Variants in SSBP2 observed in about 807,000 individuals in gnomAD.
SSBP2 encodes the protein single stranded DNA binding protein 2, also known as single-stranded DNA-binding protein 2.
A neutral mutation model predicts 61.8 loss-of-function variants in SSBP2; 17 were observed. The ratio of observed to expected loss-of-function variants is 0.28; its 90% confidence interval spans 0.19 to 0.41. The LOEUF (loss-of-function observed/expected upper bound fraction) is 0.41. SSBP2 is among the 10% of genes least tolerant of loss of function. The pLI, the probability that SSBP2 is intolerant of heterozygous loss-of-function variation, is 1.00. For missense variants in SSBP2, 310 were observed against 458.7 expected (o/e 0.68, Z 2.96); for synonymous variants, 139 against 141.3 (o/e 0.98, Z 0.12).
In SSBP2 at chr5:81,633,227, T is replaced by C. The variant is rs537765733; in HGVS notation, c.197+3330A>G. On this transcript the variant is annotated intron_variant, in intron 3 of 16. Coordinates refer to ENST00000320672, the MANE Select transcript of SSBP2 (RefSeq NM_012446.5). ...GTCTCCCAGGTTCAAGCTATTCATC[T>C]GCCTCAACCTCCTGAGTAGCTGGGA... Among the ~76,000 whole-genome samples the C allele has an allele frequency of 2.3e-4, 35 of 149,494 alleles. 2 individuals are homozygous for C. In the East Asian group the frequency reaches 7.0e-3, roughly 30 times the overall value.
intron 1 of SSBP2, among the ~76,000 whole-genome samples, chr5:81,710,237 A>G (rs1419547396): frequency 6.6e-6 from 1 of 152,086 alleles, no homozygotes; most frequent in African/African-American, 2.4e-5. Flanking sequence ...ATGGTAGTAG[A>G]CAGACGAGGA....
chr5:81,749,628 T>G lies in SSBP2; in HGVS notation c.62+1353A>C, dbSNP rs1757584797. Reference sequence around the variant, plus strand: ...AAGGATAACTCTGACCCTCAGAGTTTAAGTGGTTACTGGGAATCACTGATC... The same window carrying G: ...AAGGATAACTCTGACCCTCAGAGTTGAAGTGGTTACTGGGAATCACTGATC... On this transcript the variant is annotated intron_variant, in intron 1 of 16. Coordinates refer to ENST00000320672, the MANE Select transcript of SSBP2 (RefSeq NM_012446.5). Among the ~76,000 whole-genome samples the G allele has an allele frequency of 2.0e-5, 3 of 151,938 alleles. No homozygotes were observed. The South Asian group carries it at 6.2e-4, about 32-fold the overall frequency.
In SSBP2 at chr5:81,534,222, T is replaced by G. The variant is rs570367034; in HGVS notation, c.283-20505A>C. On this transcript the variant is annotated intron_variant, in intron 4 of 16. Coordinates refer to ENST00000320672, the MANE Select transcript of SSBP2 (RefSeq NM_012446.5). The stretch of plus-strand genomic sequence containing the variant: ...CCTAATCATAGGACTATGAAGAACA[T>G]TTCCCCTCTCTTCACAAGTTACCAC... 6.6e-5 allele frequency among the ~76,000 whole-genome samples: 10 copies of G among 152,174 alleles called. No homozygotes were observed. The South Asian group carries it at 1.9e-3, about 28-fold the overall frequency.
intron 1 of SSBP2, among the ~76,000 whole-genome samples, chr5:81,686,141 T>C (rs1752755763): frequency 6.6e-6 from 1 of 152,210 alleles, no homozygotes; most frequent in Non-Finnish European, 1.5e-5. Flanking sequence ...CTGAACCAGT[T>C]ATTCCTTTAA....
chr5:81,589,203 G>T (rs1282678178), intron 4 of SSBP2, among the ~76,000 whole-genome samples: 1 of 152,118 alleles, frequency 6.6e-6, no homozygotes, highest in South Asian at 2.1e-4. Context: ...AAACTAACAT[G>T]GGCAACTAAT....
chr5:81,421,999 A>C (rs1200019840), intron 16 of SSBP2, among the ~76,000 whole-genome samples: 1 of 152,210 alleles, frequency 6.6e-6, no homozygotes, highest in Non-Finnish European at 1.5e-5. Flanking sequence ...GGATGAAGAC[A>C]GTTTCTAAAT....
chr5:81,474,713 G>A, intron 6 of SSBP2, 151 bp from the exon 7 acceptor site: 1 of 602,704 alleles, frequency 1.7e-6, no homozygotes, highest in Non-Finnish European at 2.7e-6. Flanking sequence ...TCATTTATAA[G>A]TTTTGCAGGT....
chr5:81,687,295 A>G (rs1276256412), intron 1 of SSBP2, among the ~76,000 whole-genome samples: 1 of 152,234 alleles, frequency 6.6e-6, no homozygotes, highest in African/African-American at 2.4e-5. Context: ...TGGAGGGAGC[A>G]TATAGACCAG....
At chr5:81,560,562 C>T (rs928364953) in intron 4 of SSBP2, among the ~76,000 whole-genome samples, 1 of 152,084 alleles carries the variant, frequency 6.6e-6, no homozygotes, top group Non-Finnish European at 1.5e-5. Context: ...GCTTATTTTC[C>T]CACCTCTACG....
chr5:81,711,612 G>A (rs1754780819), intron 1 of SSBP2, among the ~76,000 whole-genome samples: 1 of 151,726 alleles, frequency 6.6e-6, no homozygotes, highest in Non-Finnish European at 1.5e-5. Flanking sequence ...ATCACCAACA[G>A]TAAGTCTGCA....
rs759700093 is a variant in SSBP2, at chr5:81,636,538, T to A, written c.197+19A>T. 3.1e-6 allele frequency: 5 copies of A among 1,597,038 alleles called. No homozygotes were observed. The highest frequency in any genetic ancestry group is 8.6e-7 in the Non-Finnish European group (1 of 1,169,328). On this transcript the variant is annotated intron_variant, in intron 3 of 16. Coordinates refer to ENST00000320672, the MANE Select transcript of SSBP2 (RefSeq NM_012446.5). The stretch of plus-strand genomic sequence containing the variant: ...AAATGCATCATCAAGCCAGTAAAAA[T>A]GGAATAAAGGATACTTACCACCACC...
chr5:81,736,143 AACACACACACACACACAC>A (rs58588638), intron 1 of SSBP2, among the ~76,000 whole-genome samples: 1 of 75,338 alleles, frequency 1.3e-5, no homozygotes. Context: ...ACTACCCTGA[AACACACACACACACACAC>A]ACACACACAC....
At chr5:81,650,515 AAAGT>A (rs1330469173) in intron 1 of SSBP2, among the ~76,000 whole-genome samples, 176 bp from the exon 2 acceptor site, 1 of 152,154 alleles carries the variant, frequency 6.6e-6, no homozygotes, top group Admixed American at 6.6e-5. Flanking sequence ...GAAAGAACTT[AAAGT>A]AATTAAAAGT....
intron 4 of SSBP2, among the ~76,000 whole-genome samples, chr5:81,599,362 C>T (rs942828872): frequency 3.9e-5 from 6 of 152,088 alleles, no homozygotes; most frequent in African/African-American, 1.4e-4. Flanking sequence ...ACATTTTTAA[C>T]AAAAGAAACA....
intron 1 of SSBP2, among the ~76,000 whole-genome samples, chr5:81,682,326 T>G (rs968709683): frequency 6.6e-6 from 1 of 152,120 alleles, no homozygotes. Context: ...TAGGAGGAAT[T>G]ATACAGCACA....
intron 4 of SSBP2, among the ~76,000 whole-genome samples, chr5:81,552,642 A>G (rs1451502403): frequency 6.6e-6 from 1 of 151,754 alleles, no homozygotes; most frequent in African/African-American, 2.4e-5. Context: ...TGTCTCTTAA[A>G]AAAAAAAAAG....
intron 1 of SSBP2, among the ~76,000 whole-genome samples, chr5:81,652,146 G>C (rs1016838643): frequency 6.6e-6 from 1 of 152,136 alleles, no homozygotes; most frequent in Non-Finnish European, 1.5e-5. Context: ...ATGAAGCAGG[G>C]GCACCATGAC....
intron 10 of SSBP2, among the ~76,000 whole-genome samples, chr5:81,459,715 C>T (rs1764410037): frequency 6.6e-6 from 1 of 152,124 alleles, no homozygotes; most frequent in African/African-American, 2.4e-5. Flanking sequence ...TGTATCTTGA[C>T]CTGCTAGACA....
chr5:81,603,860 A>G (rs936201823), intron 4 of SSBP2, among the ~76,000 whole-genome samples: 1 of 152,188 alleles, frequency 6.6e-6, no homozygotes, highest in African/African-American at 2.4e-5. Flanking sequence ...TACAATGAGC[A>G]TATACAAATA....
Sources: allele counts gnomAD v4.1 joint callset (sites outside exome capture counted in the v4.1 genomes callset), GRCh38; gene constraint gnomAD v4.1.1; transcripts MANE v1.5; gene names NCBI Gene and HGNC (gene_info 2026-07-23, HGNC 2026-07-21).